MMP20: variants seen among roughly 807,000 people sequenced by gnomAD.
MMP20 encodes matrix metallopeptidase 20.
A neutral mutation model predicts 51.8 loss-of-function variants in MMP20; 50 were observed. The observed-to-expected ratio is 0.97, with a 90% CI of 0.77 to 1.22. The LOEUF (loss-of-function observed/expected upper bound fraction) is 1.22. Among genes scored for constraint, MMP20 ranks in the 50% most tolerant of loss-of-function variants. The pLI, the probability that MMP20 is intolerant of heterozygous loss-of-function variation, is 0.00. For missense variants in MMP20, 663 were observed against 601.4 expected, an observed-to-expected ratio of 1.10 and a Z score of -1.07; for synonymous variants, 244 against 216.2, an observed-to-expected ratio of 1.13 and a Z score of -1.13.
chr11:102,602,850 A>G (rs1859466159), intron 6 of MMP20, among the ~76,000 whole-genome samples: 1 of 152,248 alleles, frequency 6.6e-6, no homozygotes, highest in Middle Eastern at 3.2e-3. Context: ...ATAATATGAT[A>G]GATGCAAATA....
At chr11:102,609,248 C>A in intron 4 of MMP20, 150 bp from the exon 5 acceptor site, 1 of 783,732 alleles carries the variant, frequency 1.3e-6, no homozygotes, top group South Asian at 1.7e-5. Flanking sequence ...GTTATTCTGG[C>A]ACTTAGCTTT....
rs1390177375 is a variant in MMP20, at chr11:102,594,787, A to C, written c.954-30T>G. 2.5e-6 allele frequency: 4 copies of C among 1,608,918 alleles called. No individual in the cohort carries two copies. The Admixed American group carries it at 6.7e-5, about 27-fold the overall frequency. On this transcript the variant is annotated intron_variant, in intron 6 of 9. Coordinates refer to ENST00000260228, the MANE Select transcript of MMP20 (RefSeq NM_004771.4). ...GGGACATTCCAAAAAAAAAAAAAAAAAAAATCAAGATCAATGATTGATTTA... is the reference window on the plus strand; with the variant it reads ...GGGACATTCCAAAAAAAAAAAAAAACAAAATCAAGATCAATGATTGATTTA...
chr11:102,577,801 G>T (rs936452224), intron 9 of MMP20, among the ~76,000 whole-genome samples: 1 of 152,202 alleles, frequency 6.6e-6, no homozygotes, highest in African/African-American at 2.4e-5. Flanking sequence ...AATTTCCAAT[G>T]ACTGCTGCCG....
At position 102,625,226 on chromosome 11, in the gene MMP20, T is replaced by C. The variant is rs1293405049; in HGVS notation, c.94A>G (p.Arg32Gly). 6.2e-7 allele frequency: 1 copy of C among 1,613,764 alleles called. No homozygotes were observed. Among genetic ancestry groups the C allele is most frequent in the African/African-American group, 1.3e-5 (1 of 74,896 alleles). Reference sequence around the variant, plus strand: ...AGGCGGTAGTTGTTCCTCCAGGTCCTGGGGGAGGCTGCAACTAGGGAGGGG... The same window carrying C: ...AGGCGGTAGTTGTTCCTCCAGGTCCCGGGGGAGGCTGCAACTAGGGAGGGG... ...AAPSLVAASP[R>G]TWRNNYRLAQ... Residue 32 changes from arginine (R) to glycine (G), a missense_variant, in exon 1 of 10, where the codon AGG becomes GGG. Transcript: ENST00000260228.
At chr11:102,590,304 G>T (rs1404520615) in intron 8 of MMP20, among the ~76,000 whole-genome samples, 1 of 152,212 alleles carries the variant, frequency 6.6e-6, no homozygotes, top group Non-Finnish European at 1.5e-5. Context: ...AGTGGTTCTA[G>T]TTGGCAAAGT....
intron 8 of MMP20, among the ~76,000 whole-genome samples, chr11:102,589,323 A>T (rs1218939574): frequency 6.6e-6 from 1 of 152,172 alleles, no homozygotes; most frequent in Admixed American, 6.5e-5. Flanking sequence ...ACTTCCTCTA[A>T]GAATTATTTC....
chr11:102,597,972 G>A (rs1039971256), intron 6 of MMP20, among the ~76,000 whole-genome samples: 1 of 124,058 alleles, frequency 8.1e-6, no homozygotes, highest in Admixed American at 8.2e-5. Flanking sequence ...TCTCCATGTT[G>A]GTCAGGCTGG....
At chr11:102,592,119 C>T (rs1859324236) in intron 8 of MMP20, among the ~76,000 whole-genome samples, 1 of 152,228 alleles carries the variant, frequency 6.6e-6, no homozygotes, top group African/African-American at 2.4e-5. Flanking sequence ...TTGGATTTCT[C>T]AATACCTATC....
At position 102,623,510 on chromosome 11, in the gene MMP20, A is replaced by G. The variant is rs1859777052; in HGVS notation, c.126+1684T>C. ...GGTGGAACAGTTTCGTCCCAAAACC[A>G]TCACCCCTCCAGCCTCCTACTTCCC... On this transcript the variant is annotated intron_variant, in intron 1 of 9. Coordinates refer to ENST00000260228, the MANE Select transcript of MMP20 (RefSeq NM_004771.4). Among the ~76,000 whole-genome samples, 3 of 152,136 alleles carry G rather than the reference A, an allele frequency of 2.0e-5. No homozygotes were observed. In the South Asian group the frequency reaches 6.2e-4, roughly 32 times the overall value.
At chr11:102,577,744 T>G (rs975964688) in intron 9 of MMP20, among the ~76,000 whole-genome samples, 2 of 152,238 alleles carry the variant, frequency 1.3e-5, no homozygotes, top group Non-Finnish European at 2.9e-5. Context: ...CTTTCCCTAG[T>G]TAAGCCTCCG....
In MMP20 at chr11:102,611,913, C is replaced by G. The variant is rs781268807; in HGVS notation, c.375-10G>C. The stretch of plus-strand genomic sequence containing the variant: ...TGTGTATTTAGATATTCTGTGAAAA[C>G]GGAAGGAACATGTTTTCTTTTCAGT... On this transcript the variant is annotated splice_polypyrimidine_tract_variant and intron_variant, in intron 2 of 9. Transcript: ENST00000260228. 1.9e-6 allele frequency: 3 copies of G among 1,614,038 alleles called. No individual in the cohort carries two copies. The highest frequency in any genetic ancestry group is 2.5e-6 in the Non-Finnish European group (3 of 1,179,928).
chr11:102,603,636 C>T (rs1859476234), intron 6 of MMP20, among the ~76,000 whole-genome samples: 1 of 152,164 alleles, frequency 6.6e-6, no homozygotes, highest in Admixed American at 6.5e-5. Context: ...AGACAACTCC[C>T]TCACTTTATA....
chr11:102,587,417 T>C (rs1859266956), intron 8 of MMP20, among the ~76,000 whole-genome samples: 1 of 152,210 alleles, frequency 6.6e-6, no homozygotes, highest in African/African-American at 2.4e-5. Flanking sequence ...AAAGAATGTG[T>C]ATTCTGCTCT....
intron 6 of MMP20, among the ~76,000 whole-genome samples, chr11:102,597,928 C>T (rs934961422): frequency 6.6e-6 from 1 of 151,902 alleles, no homozygotes; most frequent in Admixed American, 6.6e-5. Flanking sequence ...ACACCACTCC[C>T]GGCTAATTTT....
rs376392684 is a variant in MMP20 at position 102,577,389 on chromosome 11, C to T, written c.1389G>A (p.Lys463=). The T allele has an allele frequency of 6.2e-6, 10 of 1,614,018 alleles. No individual in the cohort carries two copies. The highest frequency in any genetic ancestry group is 7.6e-6 in the Non-Finnish European group (9 of 1,179,934). The change falls in exon 10 of 10, where the codon AAG becomes AAA. Residue 463 remains lysine, a synonymous_variant. Transcript: ENST00000260228. Reference sequence around the variant, plus strand: ...CCACATCTTCCTTCTCTGTGTCATACTTGTATGTTTTTGGTCCTGAAAAGA... The same window carrying T: ...CCACATCTTCCTTCTCTGTGTCATATTTGTATGTTTTTGGTCCTGAAAAGA... ...IYFFSGPKTY[K]YDTEKEDVVS...
chr11:102,581,419 T>A (rs1859194820), intron 8 of MMP20, among the ~76,000 whole-genome samples: 1 of 152,072 alleles, frequency 6.6e-6, no homozygotes, highest in South Asian at 2.1e-4. Context: ...AAAGGAGGGC[T>A]AAAAAGTGTT....
chr11:102,620,307 G>T (rs1264789863), intron 1 of MMP20, among the ~76,000 whole-genome samples: 1 of 152,204 alleles, frequency 6.6e-6, no homozygotes, highest in Admixed American at 6.5e-5. Context: ...TCTTGCTAAA[G>T]TTACTGACAA....
rs1859556439 is a variant in MMP20 at position 102,608,960 on chromosome 11, A to G, written c.788T>C (p.Val263Ala). The change falls in exon 5 of 10, where the codon GTG (valine) becomes GCG (alanine). Residue 263 changes from valine (V) to alanine (A), a missense_variant. Transcript: ENST00000260228. Reference sequence around the variant, plus strand: ...ACCGTATAATGCCTGGATCCCTTTCACATCATCTTTGGGGAGGTGGAATCC... The same window carrying G: ...ACCGTATAATGCCTGGATCCCTTTCGCATCATCTTTGGGGAGGTGGAATCC... Reference protein sequence around the residue: ...PYGFHLPKDDVKGIQALYGPR... With the variant: ...PYGFHLPKDDAKGIQALYGPR... The G allele has an allele frequency of 6.2e-7, 1 of 1,614,108 alleles. No individual in the cohort carries two copies.
chr11:102,590,361 T>C (rs1859303509), intron 8 of MMP20, among the ~76,000 whole-genome samples: 1 of 152,182 alleles, frequency 6.6e-6, no homozygotes, highest in African/African-American at 2.4e-5. Flanking sequence ...GGCATCAACA[T>C]AGTAGAGCCT....
Sources: gnomAD v4.1 joint callset for allele counts (sites outside exome capture counted in the v4.1 genomes callset) on GRCh38, gnomAD v4.1.1 for gene constraint, MANE v1.5 for transcripts, NCBI Gene and HGNC (gene_info 2026-07-23, HGNC 2026-07-21) for gene names.